The following ADCY8 variants were observed in gnomAD, a reference collection of about 807,000 sequenced individuals.
The protein encoded by ADCY8 is adenylate cyclase type 8.
ADCY8 carries 51 observed loss-of-function variants against 119.7 expected under a neutral mutation model. The ratio of observed to expected loss-of-function variants is 0.43; its 90% CI spans 0.34 to 0.54. The LOEUF is 0.54. ADCY8 is among the 20% of genes least tolerant of loss of function. The pLI is 0.03. For missense variants in ADCY8, 1,383 were observed against 1,598.8 expected, an observed-to-expected ratio of 0.87 and a Z score of 2.30; for synonymous variants, 665 against 651.0, an observed-to-expected ratio of 1.02 and a Z score of -0.33.
chr8:130,797,299 ATTC>A (rs1815613982), intron 15 of ADCY8, among the ~76,000 whole-genome samples: 4 of 152,282 alleles, frequency 2.6e-5, no homozygotes, highest in South Asian at 4.2e-4. Flanking sequence ...GCCCAAGACA[ATTC>A]TTCTTTCATT....
intron 6 of ADCY8, 144 bp from the exon 7 acceptor site, chr8:130,904,186 A>G: frequency 1.2e-6 from 1 of 836,986 alleles, no homozygotes; most frequent in Non-Finnish European, 1.9e-6. Flanking sequence ...GTCTTCCTAA[A>G]AAGTAGAAAG....
At chr8:130,924,463 A>G (rs1475949406) in intron 5 of ADCY8, among the ~76,000 whole-genome samples, 1 of 152,172 alleles carries the variant, frequency 6.6e-6, no homozygotes, top group Non-Finnish European at 1.5e-5. Flanking sequence ...CTAAGTAAAA[A>G]TGCTGTATAA....
intron 12 of ADCY8, 103 bp from the exon 13 acceptor site, chr8:130,821,523 CAT>C (rs1816508872): frequency 1.2e-6 from 1 of 814,138 alleles, no homozygotes; most frequent in Non-Finnish European, 2.0e-6. Flanking sequence ...AAAAAACACA[CAT>C]CTTTTCAGCA....
At chr8:130,997,596 T>C (rs893076021) in intron 1 of ADCY8, among the ~76,000 whole-genome samples, 7 of 152,146 alleles carry the variant, frequency 4.6e-5, no homozygotes, top group Admixed American at 3.3e-4. Flanking sequence ...ACCATCCAGA[T>C]AGAGTCTCCT....
chr8:130,801,899 CTTTTTTT>C (rs34853195), intron 14 of ADCY8, among the ~76,000 whole-genome samples: 4 of 97,798 alleles, frequency 4.1e-5, no homozygotes, highest in Non-Finnish European at 5.8e-5. Context: ...TTGAGAATGC[CTTTTTTT>C]TTTTTTTTTT....
rs367553828 is a variant in ADCY8, at chr8:130,860,098, A to G, written c.2210+7748T>C. 7.2e-5 allele frequency among the ~76,000 whole-genome samples: 11 copies of G among 152,198 alleles called. 1 individual carries two copies. In the East Asian group the frequency reaches 1.7e-3, roughly 24 times the overall value. On this transcript the variant is annotated intron_variant, in intron 9 of 17. Coordinates refer to ENST00000286355, the MANE Select transcript of ADCY8 (RefSeq NM_001115.3). ...TTATTTATTTATTTATATATTAGTC[A>G]TTGTACTAGGTATGTAGTGGTAGGT...
chr8:131,001,623 A>G (rs1266028963), intron 1 of ADCY8, among the ~76,000 whole-genome samples: 4 of 148,428 alleles, frequency 2.7e-5, no homozygotes, highest in African/African-American at 9.8e-5. Flanking sequence ...TATTTTATAT[A>G]TATACATTAT....
rs568457624 is a variant in ADCY8 at position 130,901,580 on chromosome 8, T to C, written c.1911+2192A>G. Among the ~76,000 whole-genome samples, 8 of 152,296 alleles carry C rather than the reference T, an allele frequency of 5.3e-5. No homozygotes were observed. The South Asian group carries it at 1.7e-3, about 32-fold the overall frequency. On this transcript the variant is annotated intron_variant, in intron 7 of 17. Transcript: ENST00000286355. ...ATAGGCTCAGCCAGACCAGTCTTGATCTCTTCCAGGGACAAATTATGTCTC... is the reference window on the plus strand; with the variant it reads ...ATAGGCTCAGCCAGACCAGTCTTGACCTCTTCCAGGGACAAATTATGTCTC...
At chr8:130,799,127 TG>T (rs1008420239) in intron 15 of ADCY8, among the ~76,000 whole-genome samples, 6 of 151,972 alleles carry the variant, frequency 3.9e-5, no homozygotes, top group Non-Finnish European at 4.4e-5. Flanking sequence ...TTTCAGAACC[TG>T]GGGGGTGGGG....
At chr8:130,973,156 G>GT (rs929403896) in intron 2 of ADCY8, among the ~76,000 whole-genome samples, 34 of 152,218 alleles carry the variant, frequency 2.2e-4, no homozygotes, top group African/African-American at 8.0e-4. Flanking sequence ...AGGTACGTGT[G>GT]TTTTTTGTCC....
At chr8:130,970,654 T>C (rs960475632) in intron 2 of ADCY8, among the ~76,000 whole-genome samples, 2 of 152,142 alleles carry the variant, frequency 1.3e-5, no homozygotes, top group African/African-American at 2.4e-5. Context: ...GCCAAAAAGG[T>C]TGGGAACTGC....
At chr8:131,000,942 G>A (rs1327639550) in intron 1 of ADCY8, among the ~76,000 whole-genome samples, 4 of 152,068 alleles carry the variant, frequency 2.6e-5, no homozygotes, top group Middle Eastern at 3.2e-3. Flanking sequence ...GCCACCTAAG[G>A]CAGGGAAAGG....
chr8:131,002,438 T>A (rs558471021), intron 1 of ADCY8, among the ~76,000 whole-genome samples: 1 of 152,136 alleles, frequency 6.6e-6, no homozygotes, highest in African/African-American at 2.4e-5. Flanking sequence ...AGAAAATCTA[T>A]AGGAGTAGCT....
intron 1 of ADCY8, among the ~76,000 whole-genome samples, chr8:131,023,223 T>C (rs1442152319): frequency 6.6e-6 from 1 of 152,244 alleles, no homozygotes; most frequent in Non-Finnish European, 1.5e-5. Context: ...GCCATTGCCC[T>C]GTGCCTAAGC....
intron 12 of ADCY8, among the ~76,000 whole-genome samples, chr8:130,834,188 A>G (rs1816919315): frequency 6.6e-6 from 1 of 152,210 alleles, no homozygotes; most frequent in South Asian, 2.1e-4. Flanking sequence ...AATTAAAAAC[A>G]AAAATAACTC....
chr8:130,843,290 C>G (rs1026864916), intron 11 of ADCY8, among the ~76,000 whole-genome samples: 2 of 152,164 alleles, frequency 1.3e-5, no homozygotes, highest in Non-Finnish European at 2.9e-5. Context: ...TGTGTGAGTT[C>G]CAGGTACTGA....
At chr8:130,976,503 T>A (rs1822076411) in intron 2 of ADCY8, among the ~76,000 whole-genome samples, 2 of 152,226 alleles carry the variant, frequency 1.3e-5, no homozygotes, top group African/African-American at 4.8e-5. Flanking sequence ...CCATAATACA[T>A]GCTTCAGAGG....
chr8:130,795,377 C>T (rs1227699232), intron 15 of ADCY8, among the ~76,000 whole-genome samples: 1 of 152,246 alleles, frequency 6.6e-6, no homozygotes, highest in Non-Finnish European at 1.5e-5. Flanking sequence ...TTAAGACACA[C>T]ATGAGAGCAA....
chr8:131,034,517 T>G (rs887450707), intron 1 of ADCY8, among the ~76,000 whole-genome samples: 2 of 152,128 alleles, frequency 1.3e-5, no homozygotes, highest in Non-Finnish European at 2.9e-5. Context: ...TGTCCCTCAT[T>G]GTAAGTCAAG....
Sources: allele counts gnomAD v4.1 joint callset (sites outside exome capture counted in the v4.1 genomes callset), GRCh38; gene constraint gnomAD v4.1.1; transcripts MANE v1.5; gene names NCBI Gene and HGNC (gene_info 2026-07-23, HGNC 2026-07-21).